Variants in GALNTL6 observed in about 807,000 individuals in gnomAD.
The protein encoded by GALNTL6 is polypeptide N-acetylgalactosaminyltransferase-like 6.
GALNTL6 carries 46 observed loss-of-function variants against 73.7 expected under a neutral mutation model. That is an observed-to-expected ratio of 0.62 (90% CI 0.49 to 0.80). The LOEUF (loss-of-function observed/expected upper bound fraction) is 0.80, where lower values mean the gene tolerates loss of function less well. GALNTL6 is among the 30% of genes least tolerant of loss of function. GALNTL6 has a pLI of 0.00. For synonymous variants in GALNTL6, 259 were observed against 263.7 expected (o/e 0.98, Z 0.17); for missense variants, 604 against 755.0 (o/e 0.80, Z 2.34).
At chr4:171,876,420 A>G (rs1367904906) in intron 2 of GALNTL6, among the ~76,000 whole-genome samples, 1 of 152,242 alleles carries the variant, frequency 6.6e-6, no homozygotes, top group African/African-American at 2.4e-5. Context: ...TGTCATCTAC[A>G]TTAGTCTGAA....
At chr4:172,392,558 C>T (rs1743703975) in intron 5 of GALNTL6, among the ~76,000 whole-genome samples, 1 of 151,752 alleles carries the variant, frequency 6.6e-6, no homozygotes, top group African/African-American at 2.4e-5. Context: ...TAGGCATAAG[C>T]CACCATTCCT....
At chr4:172,005,360 C>G (rs1740806429) in intron 2 of GALNTL6, among the ~76,000 whole-genome samples, 1 of 152,088 alleles carries the variant, frequency 6.6e-6, no homozygotes, top group Non-Finnish European at 1.5e-5. Flanking sequence ...CTCCTGGACT[C>G]AAAGGATCCA....
intron 5 of GALNTL6, among the ~76,000 whole-genome samples, chr4:172,621,547 G>T (rs906309288): frequency 4.6e-5 from 7 of 152,046 alleles, no homozygotes; most frequent in African/African-American, 1.7e-4. Flanking sequence ...TCAGTTTATG[G>T]CTAAAATATT....
At chr4:171,903,564 G>A (rs1737176548) in intron 2 of GALNTL6, among the ~76,000 whole-genome samples, 1 of 147,228 alleles carries the variant, frequency 6.8e-6, no homozygotes, top group Admixed American at 6.6e-5. Flanking sequence ...GCGAGGCTGG[G>A]GGAGGGGCGC....
At chr4:172,224,700 T>C (rs1301822598) in intron 2 of GALNTL6, among the ~76,000 whole-genome samples, 1 of 152,190 alleles carries the variant, frequency 6.6e-6, no homozygotes, top group Non-Finnish European at 1.5e-5. Context: ...CTTAGAGTAG[T>C]ACACTCTGGT....
chr4:172,082,266 C>T (rs1363973768), intron 2 of GALNTL6, among the ~76,000 whole-genome samples: 1 of 152,110 alleles, frequency 6.6e-6, no homozygotes, highest in Non-Finnish European at 1.5e-5. Flanking sequence ...AATTTAAAAA[C>T]AAAAATACCA....
chr4:172,138,486 TA>T (rs1733698989), intron 2 of GALNTL6, among the ~76,000 whole-genome samples: 1 of 5,508 alleles, frequency 1.8e-4, no homozygotes, highest in East Asian at 3.3e-3. Flanking sequence ...CCTATATATA[TA>T]TATATATATA....
intron 5 of GALNTL6, among the ~76,000 whole-genome samples, chr4:172,741,381 G>T (rs1264038715): frequency 6.6e-6 from 1 of 152,058 alleles, no homozygotes; most frequent in Admixed American, 6.6e-5. Context: ...GAGAAGAAAG[G>T]ATTTCCTCTT....
intron 10 of GALNTL6, among the ~76,000 whole-genome samples, chr4:172,967,459 A>T (rs1190176972): frequency 6.6e-6 from 1 of 152,158 alleles, no homozygotes; most frequent in Non-Finnish European, 1.5e-5. Context: ...GTCTTCCAGA[A>T]CTAATCATAC....
At position 172,348,863 on chromosome 4, in the gene GALNTL6, T is replaced by C. The variant is rs143670650; in HGVS notation, c.553+174T>C. Among the ~76,000 whole-genome samples the C allele has an allele frequency of 6.5e-4, 99 of 152,336 alleles. No individual in the cohort carries two copies. In the East Asian group the frequency reaches 0.011, roughly 17 times the overall value. On this transcript the variant is annotated intron_variant, in intron 5 of 12. Coordinates refer to ENST00000506823, the MANE Select transcript of GALNTL6 (RefSeq NM_001034845.3). The stretch of plus-strand genomic sequence containing the variant: ...TTCACCAAATGCAAAAGAAACTTAA[T>C]GAGAAGCTATAGGTTTCATTTGGGA...
rs1305964343 is a variant in GALNTL6, at chr4:172,482,091, C to T, written c.553+133402C>T. ...CCCAGCAGTGCTGGGGGACCCGGCG[C>T]CCCCTCCACAGCTGCTGGCCCGGGT... On this transcript the variant is annotated intron_variant, in intron 5 of 12. Coordinates refer to ENST00000506823, the MANE Select transcript of GALNTL6 (RefSeq NM_001034845.3). 2.6e-5 allele frequency among the ~76,000 whole-genome samples: 4 copies of T among 152,214 alleles called. No homozygotes were observed. In the South Asian group the frequency reaches 6.2e-4, roughly 24 times the overall value.
At chr4:173,006,339 G>T (rs960311756) in intron 10 of GALNTL6, among the ~76,000 whole-genome samples, 3 of 152,110 alleles carry the variant, frequency 2.0e-5, no homozygotes, top group Non-Finnish European at 4.4e-5. Context: ...GAAAAGAAAG[G>T]CCTGCTCAGA....
intron 2 of GALNTL6, among the ~76,000 whole-genome samples, chr4:172,083,532 C>T (rs557379926): frequency 6.6e-6 from 1 of 152,272 alleles, no homozygotes; most frequent in East Asian, 1.9e-4. Flanking sequence ...TATTTTCTAC[C>T]AGAAATAGAA....
chr4:172,481,644 C>T (rs201516723), intron 5 of GALNTL6, among the ~76,000 whole-genome samples: 1 of 152,138 alleles, frequency 6.6e-6, no homozygotes, highest in African/African-American at 2.4e-5. Context: ...TATTTACAAT[C>T]GTCTAGCTAG....
At chr4:172,827,485 G>A (rs1197309245) in intron 7 of GALNTL6, among the ~76,000 whole-genome samples, 1 of 152,156 alleles carries the variant, frequency 6.6e-6, no homozygotes, top group Non-Finnish European at 1.5e-5. Context: ...GAATTCTAGG[G>A]AGGAAGTGGG....
At chr4:171,999,328 A>G (rs1047706047) in intron 2 of GALNTL6, among the ~76,000 whole-genome samples, 1 of 152,170 alleles carries the variant, frequency 6.6e-6, no homozygotes, top group African/African-American at 2.4e-5. Flanking sequence ...TTTTAACACA[A>G]ACACATTTAA....
At chr4:172,347,827 T>C (rs1741801409) in intron 4 of GALNTL6, among the ~76,000 whole-genome samples, 1 of 152,178 alleles carries the variant, frequency 6.6e-6, no homozygotes, top group South Asian at 2.1e-4. Flanking sequence ...GGTTAAATAA[T>C]GAATAAAGGA....
chr4:172,871,367 G>T (rs984039706), intron 7 of GALNTL6, among the ~76,000 whole-genome samples: 8 of 152,116 alleles, frequency 5.3e-5, no homozygotes, highest in African/African-American at 1.9e-4. Context: ...ACAGAAACAG[G>T]GTTACGTGCC....
intron 5 of GALNTL6, among the ~76,000 whole-genome samples, chr4:172,748,381 A>G (rs1737232399): frequency 6.6e-6 from 1 of 152,180 alleles, no homozygotes. Context: ...GGGAGGAAAC[A>G]AGAGTACTTG....
Sources: gnomAD v4.1 joint callset for allele counts (sites outside exome capture counted in the v4.1 genomes callset) on GRCh38, gnomAD v4.1.1 for gene constraint, MANE v1.5 for transcripts, NCBI Gene and HGNC (gene_info 2026-07-23, HGNC 2026-07-21) for gene names.